Variants in NISCH observed in about 807,000 individuals in gnomAD.
NISCH encodes I-1 receptor candidate protein.
In NISCH, 55 loss-of-function variants were observed where a neutral mutation model predicts 138.4. The ratio of observed to expected loss-of-function variants is 0.40; its 90% CI spans 0.32 to 0.50. The LOEUF (loss-of-function observed/expected upper bound fraction) is 0.50. Among genes scored for constraint, NISCH ranks in the 20% least tolerant of loss-of-function variants. The pLI is 0.71. For synonymous variants in NISCH, 860 were observed against 861.5 expected (o/e 1.00, Z 0.03); for missense variants, 1,643 against 2,005.5 (o/e 0.82, Z 3.45).
At chr3:52,483,907 G>A (rs1381084663) in intron 13 of NISCH, among the ~76,000 whole-genome samples, 3 of 152,388 alleles carry the variant, frequency 2.0e-5, no homozygotes, top group East Asian at 1.9e-4. Context: ...TCTGCCCAGC[G>A]AGGTCAGGGC....
At chr3:52,490,282 C>T (rs1343253716) in intron 18 of NISCH, 51 bp downstream of exon 18, 1 of 1,594,564 alleles carries the variant, frequency 6.3e-7, no homozygotes, top group East Asian at 2.2e-5. Context: ...GTGGTTGGGG[C>T]AGGCCTGGGG....
Position 52,492,639 on chromosome 3 carries a change from T to C in NISCH, c.*157T>C. 9.4e-7 allele frequency: 1 copy of C among 1,060,486 alleles called. No homozygotes were observed. The allele number at this position is 1,060,486 out of a possible 1,614,324, so 65.7% of individuals were successfully genotyped here. On this transcript the variant is annotated 3_prime_UTR_variant, in exon 21 of 21. Coordinates refer to ENST00000345716, the MANE Select transcript of NISCH (RefSeq NM_007184.4). ...ACATGTGTGTGTGTTGTGTTAATTCTTTCTCATGTTGGGAGTGAGAATGCC... is the reference window on the plus strand; with the variant it reads ...ACATGTGTGTGTGTTGTGTTAATTCCTTCTCATGTTGGGAGTGAGAATGCC...
At chr3:52,473,864 CTG>C in intron 7 of NISCH, 35 bp downstream of exon 7, 4 of 1,453,824 alleles carry the variant, frequency 2.8e-6, no homozygotes, top group South Asian at 2.3e-5. Flanking sequence ...GGGGCAATGT[CTG>C]TGGATCAGGG....
chr3:52,466,473 G>A (rs935273830), intron 3 of NISCH, among the ~76,000 whole-genome samples: 13 of 151,662 alleles, frequency 8.6e-5, no homozygotes, highest in Non-Finnish European at 1.8e-4. Context: ...ACTCAGGCAG[G>A]AGAATTGCTT....
At chr3:52,479,940 T>TGGGACTGCTC (rs1707220057) in intron 12 of NISCH, 78 bp downstream of exon 12, 3 of 1,223,444 alleles carry the variant, frequency 2.5e-6, no homozygotes, top group Non-Finnish European at 3.5e-6. Flanking sequence ...GCTTGGGCCA[T>TGGGACTGCTC]GGGACTGCTC....
chr3:52,480,010 CCT>C, intron 12 of NISCH, 148 bp downstream of exon 12: 1 of 950,410 alleles, frequency 1.1e-6, no homozygotes, highest in East Asian at 2.6e-5. Context: ...CAAGTCGCGG[CCT>C]CTCTGTTCTC....
chr3:52,455,883 C>A (rs948529252), intron 1 of NISCH, 149 bp downstream of exon 1: 8 of 544,304 alleles, frequency 1.5e-5, no homozygotes, highest in African/African-American at 1.4e-4. Context: ...GACGGGGGAT[C>A]TAGGAAAGGG....
chr3:52,460,525 C>G (rs1247570650), intron 3 of NISCH, among the ~76,000 whole-genome samples: 1 of 151,960 alleles, frequency 6.6e-6, no homozygotes, highest in South Asian at 2.1e-4. Flanking sequence ...CCTCAACTTC[C>G]CAAGTAGCTG....
At chr3:52,470,538 G>T (rs1206341082) in intron 3 of NISCH, 4 of 336,860 alleles carry the variant, frequency 1.2e-5, no homozygotes, top group African/African-American at 8.5e-5. Flanking sequence ...GGGAGCTGCT[G>T]GCTTCCCAAA....
intron 3 of NISCH, among the ~76,000 whole-genome samples, chr3:52,467,216 G>A (rs1433180772): frequency 6.6e-6 from 1 of 152,002 alleles, no homozygotes; most frequent in Non-Finnish European, 1.5e-5. Flanking sequence ...GGCCAGGCTG[G>A]TCTTGAACTC....
chr3:52,489,377 C>A lies in NISCH; in HGVS notation c.3155C>A (p.Ala1052Asp). 1 of 1,611,552 alleles carries A rather than the reference C, an allele frequency of 6.2e-7. No homozygotes were observed. The highest frequency in any genetic ancestry group is 1.1e-5 in the South Asian group (1 of 91,012). The change falls in exon 17 of 21, where the codon GCC (alanine) becomes GAC (aspartate). Residue 1052 changes from alanine to aspartate, a missense_variant. By Grantham distance (126) the Ala-to-Asp change is moderately radical. Transcript: ENST00000345716. ...CAGGAGGTCCCAGCAGAGGCTCTGG[C>A]CCCGGCCCCAGCGGAAGTCCCAGCT... ...RPQEVPAEAL[A>D]PAPAEVPAPA...
At chr3:52,466,720 T>C (rs1706790711) in intron 3 of NISCH, among the ~76,000 whole-genome samples, 1 of 152,162 alleles carries the variant, frequency 6.6e-6, no homozygotes, top group Admixed American at 6.6e-5. Flanking sequence ...CCGAAGCATC[T>C]AGGCCTGGCC....
chr3:52,481,388 C>T (rs1183130598), intron 13 of NISCH: 3 of 987,676 alleles, frequency 3.0e-6, no homozygotes, highest in South Asian at 4.7e-5. Flanking sequence ...GAGCGTGGAG[C>T]GATGGGGTTA....
chr3:52,464,272 C>T (rs1412938252), intron 3 of NISCH, among the ~76,000 whole-genome samples: 1 of 151,560 alleles, frequency 6.6e-6, no homozygotes, highest in Admixed American at 6.6e-5. Flanking sequence ...GTGGTGTGTG[C>T]CTGTAATCTC....
At position 52,488,827 on chromosome 3, in the gene NISCH, C is replaced by G. The variant is rs544576510; in HGVS notation, c.3113+222C>G. ...GTAGAAGAAGCCCAGGAAAGCTGTCCTCTCACAAAATGGGTTGGCCCAGCC... is the reference window on the plus strand; with the variant it reads ...GTAGAAGAAGCCCAGGAAAGCTGTCGTCTCACAAAATGGGTTGGCCCAGCC... On this transcript the variant is annotated intron_variant, in intron 16 of 20. Coordinates refer to ENST00000345716, the MANE Select transcript of NISCH (RefSeq NM_007184.4). Among the ~76,000 whole-genome samples, 3 of 152,126 alleles carry G rather than the reference C, an allele frequency of 2.0e-5. No homozygotes were observed. The East Asian group carries it at 5.8e-4, about 30-fold the overall frequency.
rs781060734 is a variant in NISCH at position 52,457,884 on chromosome 3, A to G, written c.135A>G (p.Thr45=). ...IQVTDGSHEW[T]VKHRYSDFHD... is the part of the protein sequence containing the mutation. Reference sequence around the variant, plus strand: ...TCACTGATGGCAGCCATGAGTGGACAGTAAAGCACCGCTACAGCGACTTCC... The same window carrying G: ...TCACTGATGGCAGCCATGAGTGGACGGTAAAGCACCGCTACAGCGACTTCC... Residue 45 remains threonine, a synonymous_variant, in exon 2 of 21, where the codon ACA becomes ACG. Coordinates refer to ENST00000345716, the MANE Select transcript of NISCH (RefSeq NM_007184.4). The G allele has an allele frequency of 1.8e-5, 29 of 1,612,222 alleles. No homozygotes were observed. Among genetic ancestry groups the G allele is most frequent in the Non-Finnish European group, 1.9e-5 (22 of 1,178,346 alleles).
chr3:52,484,299 C>T (rs988397391), intron 13 of NISCH: 1 of 513,982 alleles, frequency 1.9e-6, no homozygotes, highest in African/African-American at 1.9e-5. Context: ...CTTCTCCCTG[C>T]CCTGAGATTA....
intron 13 of NISCH, among the ~76,000 whole-genome samples, chr3:52,483,299 G>A (rs1469363932): frequency 6.6e-6 from 1 of 152,134 alleles, no homozygotes; most frequent in South Asian, 2.1e-4. Flanking sequence ...CGGGGGTCTC[G>A]ACCTGTGGGG....
chr3:52,484,313 A>G, intron 13 of NISCH, 200 bp from the exon 14 acceptor site: 1 of 547,884 alleles, frequency 1.8e-6, no homozygotes. Context: ...GAGATTAGAT[A>G]AGCAGTCATT....
Sources: allele counts gnomAD v4.1 joint callset (sites outside exome capture counted in the v4.1 genomes callset), GRCh38; gene constraint gnomAD v4.1.1; transcripts MANE v1.5; gene names NCBI Gene and HGNC (gene_info 2026-07-23, HGNC 2026-07-21).